DLL1: variants seen among roughly 807,000 people sequenced by gnomAD.
The protein encoded by DLL1 is delta-like protein 1.
A neutral mutation model predicts 75.1 loss-of-function variants in DLL1; 9 were observed. That is an observed-to-expected ratio of 0.12 (90% CI 0.07 to 0.21). The LOEUF is 0.21. Among genes scored for constraint, DLL1 ranks in the 10% least tolerant of loss-of-function variants. The pLI, the probability that DLL1 is intolerant of heterozygous loss-of-function variation, is 1.00. For missense variants in DLL1, 837 were observed against 1,007.6 expected, an observed-to-expected ratio of 0.83 and a Z score of 2.29; for synonymous variants, 477 against 418.3, an observed-to-expected ratio of 1.14 and a Z score of -1.71.
At position 170,283,429 on chromosome 6, in the gene DLL1, T is replaced by C. The variant is rs754655881; in HGVS notation, c.1850A>G (p.Lys617Arg). The C allele has an allele frequency of 6.2e-7, 1 of 1,611,618 alleles. No individual in the cohort carries two copies. Among genetic ancestry groups the C allele is most frequent in the Non-Finnish European group, 8.5e-7 (1 of 1,180,030 alleles). ...IGATQIKNTN[K>R]KADFHGDHSA... Reference sequence around the variant, plus strand: ...GTGGTCCCCGTGGAAGTCCGCCTTCTTGTTGGTGTTCTTGATCTGCGTGGC... The same window carrying C: ...GTGGTCCCCGTGGAAGTCCGCCTTCCTGTTGGTGTTCTTGATCTGCGTGGC... Residue 617 changes from lysine (K) to arginine (R), a missense_variant, in exon 9 of 11, where the codon AAG becomes AGG. Around this residue, in one of 2 missense-constraint regions of DLL1, gnomAD observed 533 missense variants for 545.7 expected, o/e 0.98. Coordinates refer to ENST00000366756, the MANE Select transcript of DLL1 (RefSeq NM_005618.4).
At chr6:170,289,265 C>T (rs1205804224) in intron 2 of DLL1, 3 of 672,158 alleles carry the variant, frequency 4.5e-6, no homozygotes, top group Non-Finnish European at 7.9e-6. Context: ...GGAAATCTCC[C>T]GGGCGCGCTC....
chr6:170,285,167 C>A (rs373782378), intron 7 of DLL1, 32 bp from the exon 8 acceptor site: 31 of 1,613,598 alleles, frequency 1.9e-5, no homozygotes, highest in Non-Finnish European at 2.5e-5. Flanking sequence ...AAAGGCTTTC[C>A]AAAGTTGCTC....
intron 4 of DLL1, 146 bp downstream of exon 4, chr6:170,288,093 G>A: frequency 8.1e-7 from 1 of 1,231,954 alleles, no homozygotes; most frequent in African/African-American, 1.5e-5. Flanking sequence ...GTGACTTATA[G>A]CAATCCACTT....
intron 3 of DLL1, 92 bp from the exon 4 acceptor site, chr6:170,288,588 G>T: frequency 6.2e-7 from 1 of 1,612,058 alleles, no homozygotes; most frequent in Non-Finnish European, 8.5e-7. Flanking sequence ...AGCACGGGAA[G>T]GAGGCCCAAG....
Position 170,285,118 on chromosome 6 carries a change from G to A in DLL1, c.1050C>T (p.Tyr350=), listed in dbSNP as rs369172450. 3.7e-6 allele frequency: 6 copies of A among 1,612,582 alleles called. No homozygotes were observed. The African/African-American group carries it at 6.7e-5, about 18-fold the overall frequency. ...AGAAGCCGGGTGGGCAGGTACAGGA[G>A]TAGCTGTTCTCGAGATCCTACACGA... ...GGSCTDLENS[Y]SCTCPPGFYG... Residue 350 remains tyrosine, a synonymous_variant, in exon 8 of 11, where the codon TAC becomes TAT. Coordinates refer to ENST00000366756, the MANE Select transcript of DLL1 (RefSeq NM_005618.4).
chr6:170,290,939 G>C lies in DLL1; in HGVS notation c.-800C>G, dbSNP rs1783852080. ...GCGCGCAGAGGATCTGGCTCTCGCC[G>C]GCGCCTGCCGCCCTTATATTCAGCC... On this transcript the variant is annotated 5_prime_UTR_variant, in exon 1 of 11. Coordinates refer to ENST00000366756, the MANE Select transcript of DLL1 (RefSeq NM_005618.4). The surrounding 1 kb of genome is among the most constrained non-coding windows in gnomAD (Gnocchi z 4.7). 8 of 698,744 alleles carry C rather than the reference G, an allele frequency of 1.1e-5. No individual in the cohort carries two copies. The highest frequency in any genetic ancestry group is 5.9e-5 in the South Asian group (4 of 67,510). 43.3% of individuals were successfully genotyped at this position (698,744 alleles called of 1,614,324 possible).
intron 8 of DLL1, 94 bp downstream of exon 8, chr6:170,284,825 A>C (rs1199217483): frequency 8.6e-6 from 11 of 1,274,674 alleles, no homozygotes; most frequent in Non-Finnish European, 1.1e-5. Context: ...AGTGATTCAT[A>C]AACTCGAGGT....
At chr6:170,289,486 C>G in intron 2 of DLL1, 26 bp downstream of exon 2, 18 of 1,527,838 alleles carry the variant, frequency 1.2e-5, no homozygotes, top group Non-Finnish European at 1.6e-5. Context: ...CAGGGCCGGC[C>G]CGGCGCGCGC....
rs754931196 is a variant in DLL1, at chr6:170,285,666, G to A, written c.765C>T (p.Asp255=). The A allele has an allele frequency of 1.3e-5, 21 of 1,613,934 alleles. No individual in the cohort carries two copies. Among genetic ancestry groups the A allele is most frequent in the South Asian group, 7.7e-5 (7 of 91,092 alleles). ...GACAGCCTGGATAGCGGATACACTC[G>A]TCACAGTACCGGCCCTGCCAGCCCA... The part of the protein sequence containing the change: ...CRVGWQGRYC[D]ECIRYPGCLH... The change falls in exon 6 of 11, where the codon GAC becomes GAT. Residue 255 remains aspartate (D), a synonymous_variant. Coordinates refer to ENST00000366756, the MANE Select transcript of DLL1 (RefSeq NM_005618.4).
At position 170,282,682 on chromosome 6, in the gene DLL1, A is replaced by T; in HGVS notation, c.*192T>A. ...GCGACGTCACGGAAGGCAGTGCCGC[A>T]GGCGGCCGGGCCGCGACAGGCTGTC... On this transcript the variant is annotated 3_prime_UTR_variant, in exon 11 of 11. Transcript: ENST00000366756. 1.2e-6 allele frequency: 1 copy of T among 824,408 alleles called. No individual in the cohort carries two copies. Among genetic ancestry groups the T allele is most frequent in the Non-Finnish European group, 2.0e-6 (1 of 493,912 alleles). 51.1% of individuals were successfully genotyped at this position (824,408 alleles called of 1,614,324 possible).
chr6:170,285,193 C>T, intron 7 of DLL1, 58 bp from the exon 8 acceptor site: 1 of 1,613,952 alleles, frequency 6.2e-7, no homozygotes. Flanking sequence ...AGCCCACACA[C>T]TCCATTCAAC....
At position 170,290,070 on chromosome 6, in the gene DLL1, C is replaced by T; in HGVS notation, c.54+16G>A. The T allele has an allele frequency of 6.3e-7, 1 of 1,576,062 alleles. No homozygotes were observed. The highest frequency in any genetic ancestry group is 8.5e-7 in the Non-Finnish European group (1 of 1,170,332). On this transcript the variant is annotated intron_variant, in intron 1 of 10. Transcript: ENST00000366756. The surrounding 1 kb of genome is among the most constrained non-coding windows in gnomAD (Gnocchi z 4.7). ...GAGACCCCGCGGGGCCGCGGCGCCC[C>T]CACCTGCCCGCCTACCTGACACAGC... is the stretch of plus-strand genomic sequence containing the variant.
In DLL1 at chr6:170,288,732, T is replaced by C; in HGVS notation, c.409A>G (p.Thr137Ala). 2.5e-6 allele frequency: 4 copies of C among 1,614,134 alleles called. No individual in the cohort carries two copies. Among genetic ancestry groups the C allele is most frequent in the Non-Finnish European group, 3.4e-6 (4 of 1,180,010 alleles). ...LHTDSPDDLA[T>A]ENPERLISRL... ...GGGGTTTGGGTTTTGTTTTTACCTG[T>C]TGCGAGGTCATCAGGAGAATCTGTG... Residue 137 changes from threonine to alanine, a missense_variant, in exon 3 of 11, where the codon ACA becomes GCA. By Grantham distance (58) the Thr-to-Ala change is moderately conservative. Transcript: ENST00000366756.
intron 4 of DLL1, among the ~76,000 whole-genome samples, chr6:170,287,582 C>T (rs1783730979): frequency 6.6e-6 from 1 of 152,214 alleles, no homozygotes; most frequent in African/African-American, 2.4e-5. Flanking sequence ...GCAGGTAGAG[C>T]CTCTGTCACT....
In DLL1 at chr6:170,284,981, C is replaced by G. The variant is rs774118574; in HGVS notation, c.1187G>C (p.Gly396Ala). The G allele has an allele frequency of 6.2e-7, 1 of 1,614,168 alleles. No homozygotes were observed. The highest frequency in any genetic ancestry group is 8.5e-7 in the Non-Finnish European group (1 of 1,180,048). The change falls in exon 8 of 11, where the codon GGC becomes GCC. Residue 396 changes from glycine (G) to alanine (A), a missense_variant. Physicochemically the swap from Gly to Ala is moderately conservative, Grantham distance 60. Transcript: ENST00000366756. ...DGGYSCRCPV[G>A]YSGFNCEKKI... Reference sequence around the variant, plus strand: ...CTTCTCACAGTTGAAGCCGGAGTAGCCCACGGGGCAGCGGCAGCTGTACCC... The same window carrying G: ...CTTCTCACAGTTGAAGCCGGAGTAGGCCACGGGGCAGCGGCAGCTGTACCC...
intron 1 of DLL1, 100 bp from the exon 2 acceptor site, chr6:170,289,908 G>A (rs1783813188): frequency 7.3e-7 from 1 of 1,361,262 alleles, no homozygotes; most frequent in Non-Finnish European, 9.6e-7. Flanking sequence ...GAAGGGCTCA[G>A]GGGCCGAGCG....
rs377230100 is a variant in DLL1 at position 170,288,753 on chromosome 6, C to G, written c.388G>C (p.Asp130His). The G allele has an allele frequency of 1.2e-6, 2 of 1,614,032 alleles. No homozygotes were observed. The highest frequency in any genetic ancestry group is 1.7e-6 in the Non-Finnish European group (2 of 1,180,040). ...CCTGTTGCGAGGTCATCAGGAGAAT[C>G]TGTGTGGAGAGCTTCAATAATCAGA... ...FSLIIEALHT[D>H]SPDDLATENP... Residue 130 changes from aspartate to histidine, a missense_variant, in exon 3 of 11, where the codon GAT becomes CAT. By Grantham distance (81) the Asp-to-His change is moderately conservative. Coordinates refer to ENST00000366756, the MANE Select transcript of DLL1 (RefSeq NM_005618.4).
In DLL1 at chr6:170,289,987, GC is replaced by G. The variant is rs995735595; in HGVS notation, c.54+98del. 3.7e-6 allele frequency: 5 copies of G among 1,341,098 alleles called. No individual in the cohort carries two copies. In the African/African-American group the frequency reaches 7.8e-5, roughly 21 times the overall value. The allele number at this position is 1,341,098 out of a possible 1,614,324, so 83.1% of individuals were successfully genotyped here. A position where few individuals can be genotyped will look rare whatever the true frequency, so the allele number is the denominator to read the frequency against. On this transcript the variant is annotated intron_variant, in intron 1 of 10. Coordinates refer to ENST00000366756, the MANE Select transcript of DLL1 (RefSeq NM_005618.4). ...CATCTTCCGGGCCGTGGCTGGCGCG[GC>G]CCGTGCCGCTGTCCGCCCCTCCCCG...
Position 170,283,963 on chromosome 6 carries a change from T to G in DLL1, c.1316A>C (p.His439Pro), listed in dbSNP as rs1364023005. Residue 439 changes from histidine to proline, a missense_variant, in exon 9 of 11, where the codon CAC (histidine) becomes CCC (proline). Transcript: ENST00000366756. ...CRCQAGFSGR[H>P]CDDNVDDCAS... is the part of the protein sequence containing the mutation. ...GCAGTCGTCCACGTTGTCGTCACAG[T>G]GCCTCCCCGAGAAGCCGGCCTGGCA... The G allele has an allele frequency of 3.1e-6, 5 of 1,588,888 alleles. No homozygotes were observed. The highest frequency in any genetic ancestry group is 4.3e-6 in the Non-Finnish European group (5 of 1,171,872).
Sources: gnomAD v4.1 joint callset for allele counts (sites outside exome capture counted in the v4.1 genomes callset) on GRCh38, gnomAD v4.1.1 for gene constraint, gnomAD v4.1.1 regional missense constraint, Gnocchi (gnomAD v3.1) non-coding constraint, MANE v1.5 for transcripts, NCBI Gene and HGNC (gene_info 2026-07-23, HGNC 2026-07-21) for gene names.